The following ECM1 variants were observed in gnomAD, a reference collection of about 807,000 sequenced individuals.
ECM1 encodes the protein extracellular matrix protein 1, also known as secretory component p85.
A neutral mutation model predicts 57.9 loss-of-function variants in ECM1; 54 were observed. The observed-to-expected ratio is 0.93, with a 90% confidence interval of 0.75 to 1.17. The LOEUF is 1.17. Ranked by LOEUF, ECM1 falls within the 50% of genes most tolerant of loss-of-function variation. The pLI, the probability that ECM1 is intolerant of heterozygous loss-of-function variation, is 0.00. For missense variants in ECM1, 649 were observed against 688.1 expected (o/e 0.94, Z 0.64); for synonymous variants, 237 against 259.1 (o/e 0.91, Z 0.82).
At chr1:150,511,919 ACCC>A (rs149815479) in intron 7 of ECM1, 88 bp downstream of exon 7, 19 of 1,476,106 alleles carry the variant, frequency 1.3e-5, no homozygotes, top group East Asian at 1.2e-4. Flanking sequence ...CCATCCATGT[ACCC>A]CCCCTGCTGT....
At chr1:150,509,866 C>T in intron 3 of ECM1, 56 bp from the exon 4 acceptor site, 1 of 1,613,988 alleles carries the variant, frequency 6.2e-7, no homozygotes, top group Admixed American at 1.7e-5. Flanking sequence ...CTCGCCCCCA[C>T]TCCCAGCCCT....
chr1:150,508,876 T>G (rs924590984), intron 1 of ECM1, among the ~76,000 whole-genome samples: 1 of 152,168 alleles, frequency 6.6e-6, no homozygotes, highest in Non-Finnish European at 1.5e-5. Flanking sequence ...AGCAAATCTG[T>G]CCACTTCTCT....
intron 1 of ECM1, among the ~76,000 whole-genome samples, chr1:150,508,670 C>G (rs1385779832): frequency 6.6e-6 from 1 of 152,094 alleles, no homozygotes; most frequent in East Asian, 1.9e-4. Flanking sequence ...CGACTGACTC[C>G]CTGTCTGATT....
At position 150,511,020 on chromosome 1, in the gene ECM1, T is replaced by TGAACCAAATCA. The variant is rs763500254; in HGVS notation, c.540_541insAGAACCAAATC (p.Cys181ArgfsTer54). 56 of 1,614,070 alleles carry TGAACCAAATCA rather than the reference T, an allele frequency of 3.5e-5. No homozygotes were observed. Among genetic ancestry groups the TGAACCAAATCA allele is most frequent in the Non-Finnish European group, 4.5e-5 (53 of 1,180,040 alleles). On this transcript the variant is annotated frameshift_variant, in exon 6 of 10. Transcript: ENST00000369047. LOFTEE classifies it high-confidence loss of function. ...CCTGGGCGGCCTTCTCCAGACAATC[T>TGAACCAAATCA]GAACCAAATCTGCCTTCCTAACCGT... is the stretch of plus-strand genomic sequence containing the variant.
At chr1:150,513,161 T>C in intron 9 of ECM1, 76 bp from the exon 10 acceptor site, 1 of 1,481,968 alleles carries the variant, frequency 6.7e-7, no homozygotes, top group Non-Finnish European at 9.4e-7. Flanking sequence ...AGGGGGACTT[T>C]GGCACCCAAG....
At chr1:150,510,330 T>C (rs1670403941) in intron 5 of ECM1, 148 bp downstream of exon 5, 1 of 755,760 alleles carries the variant, frequency 1.3e-6, no homozygotes, top group African/African-American at 1.8e-5. Context: ...CCTTTGTTTC[T>C]TCATCTGTAA....
In ECM1 at chr1:150,512,508, A is replaced by G. The variant is rs1670472173; in HGVS notation, c.1240A>G (p.Ile414Val). ...NYDRDILTID[I>V]GRVTPNLMGH... Reference sequence around the variant, plus strand: ...TGACCGGGACATCTTGACCATTGACATCGGTCGAGTCACCCCCAACCTCAT... The same window carrying G: ...TGACCGGGACATCTTGACCATTGACGTCGGTCGAGTCACCCCCAACCTCAT... Residue 414 changes from isoleucine (I) to valine (V), a missense_variant, in exon 8 of 10, where the codon ATC (isoleucine) becomes GTC (valine). Ile to Val is a conservative substitution (Grantham distance 29, BLOSUM62 3). Transcript: ENST00000369047. The G allele has an allele frequency of 6.2e-7, 1 of 1,613,646 alleles. No homozygotes were observed.
In ECM1 at chr1:150,511,085, A is replaced by G. The variant is rs1670425715; in HGVS notation, c.595A>G (p.Ser199Gly). Residue 199 changes from serine (S) to glycine (G), a missense_variant, in exon 6 of 10, where the codon AGC becomes GGC. By Grantham distance (56) the Ser-to-Gly change is moderately conservative (BLOSUM62 0). Transcript: ENST00000369047. ...TGGTCCCTGGAACCTACCACAGTCC[A>G]GCTACTCCCACCTCACTCGCCAGGG... ...VYGPWNLPQSSYSHLTRQGET... is the reference protein window; with the variant it reads ...VYGPWNLPQSGYSHLTRQGET... 3.7e-6 allele frequency: 6 copies of G among 1,614,192 alleles called. No homozygotes were observed. The highest frequency in any genetic ancestry group is 5.1e-6 in the Non-Finnish European group (6 of 1,180,036).
At position 150,511,738 on chromosome 1, in the gene ECM1, C is replaced by G. The variant is rs201302483; in HGVS notation, c.990C>G (p.Pro330=). ...SVPRNLPATD[P]LQRELLALIQ... is the part of the protein sequence containing the mutation. Reference sequence around the variant, plus strand: ...CACGCAACCTGCCAGCTACTGACCCCCTACAAAGGGAGCTGCTGGCACTGA... The same window carrying G: ...CACGCAACCTGCCAGCTACTGACCCGCTACAAAGGGAGCTGCTGGCACTGA... Residue 330 remains proline (P), a synonymous_variant, in exon 7 of 10, where the codon CCC becomes CCG. Coordinates refer to ENST00000369047, the MANE Select transcript of ECM1 (RefSeq NM_004425.4). 1.1e-4 allele frequency: 174 copies of G among 1,614,076 alleles called. No homozygotes were observed. The highest frequency in any genetic ancestry group is 1.4e-4 in the Non-Finnish European group (160 of 1,180,004).
chr1:150,510,946 A>G lies in ECM1; in HGVS notation c.456A>G (p.Gln152=). 2 of 1,614,172 alleles carry G rather than the reference A, an allele frequency of 1.2e-6. No individual in the cohort carries two copies. Among genetic ancestry groups the G allele is most frequent in the Middle Eastern group, 1.6e-4 (1 of 6,062 alleles). Residue 152 remains glutamine, a synonymous_variant, in exon 6 of 10, where the codon CAA becomes CAG. Transcript: ENST00000369047. ...CCTGGAATGCAGCCCAGCACTGCCA[A>G]CAGGACCGGTCCCAAGGGGGCTGGG... ...PESWNAAQHC[Q]QDRSQGGWGH...
chr1:150,512,263 C>G, intron 7 of ECM1, 89 bp from the exon 8 acceptor site: 1 of 1,451,796 alleles, frequency 6.9e-7, no homozygotes, highest in Non-Finnish European at 9.6e-7. Context: ...AGCCCCTCAT[C>G]TAGTTGCCAG....
chr1:150,513,470 C>T lies in ECM1; in HGVS notation c.*3C>T, dbSNP rs753571918. ...CCTCTGAGCCCAAGGAAGAATGAGT[C>T]ACCCCAGAGCCCTAGAGGGTCAGAT... On this transcript the variant is annotated 3_prime_UTR_variant, in exon 10 of 10. Coordinates refer to ENST00000369047, the MANE Select transcript of ECM1 (RefSeq NM_004425.4). 1 of 1,611,896 alleles carries T rather than the reference C, an allele frequency of 6.2e-7. No homozygotes were observed. Among genetic ancestry groups the T allele is most frequent in the Non-Finnish European group, 8.5e-7 (1 of 1,179,714 alleles).
intron 1 of ECM1, 54 bp from the exon 2 acceptor site, chr1:150,509,477 G>A: frequency 1.3e-6 from 2 of 1,595,242 alleles, no homozygotes; most frequent in Admixed American, 3.3e-5. Flanking sequence ...ATCCCTTGCT[G>A]AAGTCCAGGG....
Position 150,512,508 on chromosome 1 carries a change from ATCG to A in ECM1, c.1241_1243del (p.Ile414_Gly415delinsSer), listed in dbSNP as rs1305474272. The A allele has an allele frequency of 1.2e-6, 2 of 1,613,764 alleles. No individual in the cohort carries two copies. The highest frequency in any genetic ancestry group is 2.2e-5 in the South Asian group (2 of 91,038). On this transcript the variant is annotated inframe_deletion, in exon 8 of 10. Coordinates refer to ENST00000369047, the MANE Select transcript of ECM1 (RefSeq NM_004425.4). Reference sequence around the variant, plus strand: ...TGACCGGGACATCTTGACCATTGACATCGGTCGAGTCACCCCCAACCTCATGGG... The same window carrying A: ...TGACCGGGACATCTTGACCATTGACAGTCGAGTCACCCCCAACCTCATGGG...
In ECM1 at chr1:150,510,189, A is replaced by G; in HGVS notation, c.385+7A>G. On this transcript the variant is annotated splice_region_variant and intron_variant, in intron 5 of 9. Coordinates refer to ENST00000369047, the MANE Select transcript of ECM1 (RefSeq NM_004425.4). ...CCCAATGAACAGAAGGAAGGTAAGC[A>G]GCTCCCTCTCTTCTTTACCCACCTT... 1.2e-6 allele frequency: 2 copies of G among 1,613,680 alleles called. No individual in the cohort carries two copies. The highest frequency in any genetic ancestry group is 4.5e-5 in the East Asian group (2 of 44,880).
Position 150,509,699 on chromosome 1 carries a change from A to T in ECM1, c.160A>T (p.Ser54Cys). ...AAPPSPPLSR[S>C]LPMDHPDSSQ... ...TCCCCCCTCCCCACCCCTATCCCGA[A>T]GCCTCCCCATGGATCACCCTGACTC... Residue 54 changes from serine (S) to cysteine (C), a missense_variant, in exon 3 of 10, where the codon AGC becomes TGC. Coordinates refer to ENST00000369047, the MANE Select transcript of ECM1 (RefSeq NM_004425.4). The T allele has an allele frequency of 6.2e-7, 1 of 1,613,494 alleles. No homozygotes were observed. The highest frequency in any genetic ancestry group is 1.1e-5 in the South Asian group (1 of 91,048).
rs144607263 is a variant in ECM1 at position 150,511,831 on chromosome 1, C to T, written c.1083C>T (p.Ala361=). ...ACAATCACACCTGTACATGGAAGGC[C>T]GTAAGTGGGCGTCCCAGCCTCCCTG... ...QGNNHTCTWK[A]WEDTLDKYCD... The change falls in exon 7 of 10, where the codon GCC becomes GCT. Residue 361 remains alanine, a splice_region_variant and synonymous_variant. Transcript: ENST00000369047. 52 of 1,597,896 alleles carry T rather than the reference C, an allele frequency of 3.3e-5. No individual in the cohort carries two copies. In the African/African-American group the frequency reaches 5.2e-4, roughly 16 times the overall value.
chr1:150,509,578 G>C lies in ECM1; in HGVS notation c.118G>C (p.Glu40Gln). 6.2e-7 allele frequency: 1 copy of C among 1,614,154 alleles called. No homozygotes were observed. Among genetic ancestry groups the C allele is most frequent in the Non-Finnish European group, 8.5e-7 (1 of 1,180,020 alleles). Reference protein sequence around the residue: ...QRQLRPEHFQEVGYAAPPSPP... With the variant: ...QRQLRPEHFQQVGYAAPPSPP... Reference sequence around the variant, plus strand: ...GCAGCTGAGGCCAGAGCACTTTCAAGAAGGTAAGAGTTTGGGGGAGCAGCA... The same window carrying C: ...GCAGCTGAGGCCAGAGCACTTTCAACAAGGTAAGAGTTTGGGGGAGCAGCA... Residue 40 changes from glutamate (E) to glutamine (Q), a missense_variant, in exon 2 of 10, where the codon GAA becomes CAA. Glu to Gln is a conservative substitution (Grantham distance 29). Transcript: ENST00000369047.
intron 9 of ECM1, 116 bp downstream of exon 9, chr1:150,512,928 AGTGGGGGAG>A: frequency 8.4e-7 from 1 of 1,187,948 alleles, no homozygotes. Context: ...TATAATGACT[AGTGGGGGAG>A]GTGTTTTTTT....
Sources: gnomAD v4.1 joint callset for allele counts (sites outside exome capture counted in the v4.1 genomes callset) on GRCh38, gnomAD v4.1.1 for gene constraint, MANE v1.5 for transcripts, NCBI Gene and HGNC (gene_info 2026-07-23, HGNC 2026-07-21) for gene names.